The following CFAP100 variants were observed in gnomAD, a reference collection of about 807,000 sequenced individuals.
The protein encoded by CFAP100 is cilia- and flagella-associated protein 100.
A neutral mutation model predicts 81.5 loss-of-function variants in CFAP100; 70 were observed. The ratio of observed to expected loss-of-function variants is 0.86; its 90% CI spans 0.71 to 1.05. The LOEUF is 1.05. Among genes scored for constraint, CFAP100 ranks in the 50% least tolerant of loss-of-function variants. The probability of loss-of-function intolerance (pLI) is 0.00; values close to 1 mark genes in which losing one functional copy is unlikely to be tolerated. For synonymous variants in CFAP100, 341 were observed against 314.8 expected, an observed-to-expected ratio of 1.08 and a Z score of -0.88; for missense variants, 811 against 776.5, an observed-to-expected ratio of 1.04 and a Z score of -0.53.
In CFAP100 at chr3:126,416,889, T is replaced by A. The variant is rs529758336; in HGVS notation, c.418+381T>A. On this transcript the variant is annotated intron_variant, in intron 5 of 16. Transcript: ENST00000352312. Reference sequence around the variant, plus strand: ...TTGTTCTATTTTTATTAGTCGTTATTGTTTATCTTTTACTGTGCCTAATTC... The same window carrying A: ...TTGTTCTATTTTTATTAGTCGTTATAGTTTATCTTTTACTGTGCCTAATTC... 168 of 162,662 alleles carry A rather than the reference T, an allele frequency of 1.0e-3. 1 individual carries two copies. The highest frequency in any genetic ancestry group is 3.4e-3 in the African/African-American group (143 of 41,976). The allele number at this position is 162,662 out of a possible 1,614,324, so 10.1% of individuals were successfully genotyped here. A position where few individuals can be genotyped will look rare whatever the true frequency, so the allele number is the denominator to read the frequency against.
chr3:126,425,890 T>C (rs1311417621), intron 13 of CFAP100, among the ~76,000 whole-genome samples: 1 of 152,170 alleles, frequency 6.6e-6, no homozygotes, highest in Non-Finnish European at 1.5e-5. Flanking sequence ...AAATGTGGAA[T>C]AGAAGGGAAT....
intron 2 of CFAP100, among the ~76,000 whole-genome samples, chr3:126,406,357 C>T (rs918180538): frequency 5.9e-5 from 9 of 152,202 alleles, no homozygotes; most frequent in Admixed American, 2.6e-4. Flanking sequence ...TGTTTCACTC[C>T]GGGACCACAC....
At chr3:126,429,599 ATCT>A (rs1268959785) in intron 13 of CFAP100, among the ~76,000 whole-genome samples, 1 of 136,838 alleles carries the variant, frequency 7.3e-6, no homozygotes, top group African/African-American at 2.7e-5. Flanking sequence ...TTTTCTCTTT[ATCT>A]TCTTTTGTAT....
chr3:126,403,049 G>T (rs2083009474), intron 2 of CFAP100, among the ~76,000 whole-genome samples: 1 of 152,176 alleles, frequency 6.6e-6, no homozygotes, highest in African/African-American at 2.4e-5. Flanking sequence ...TGTTTGCTGA[G>T]ATGGCCAAGG....
In CFAP100 at chr3:126,401,395, TTTTATATATATATATATA is replaced by T. The variant is rs1204088379; in HGVS notation, c.49+5348_49+5365del. 2.4e-3 allele frequency among the ~76,000 whole-genome samples: 134 copies of T among 55,068 alleles called. 1 individual carries two copies. The Middle Eastern group carries it at 0.039, about 16-fold the overall frequency. The allele number at this position is 55,068 out of a possible 152,430, so 36.1% of individuals were successfully genotyped here. ...CAATGGCATAAAATGGCAAATCGTA[TTTTATATATATATATATA>T]TATATATATATATATATATATATAT... On this transcript the variant is annotated intron_variant, in intron 2 of 16. Coordinates refer to ENST00000352312, the MANE Select transcript of CFAP100 (RefSeq NM_182628.3).
intron 9 of CFAP100, 23 bp from the exon 10 acceptor site, chr3:126,419,957 G>A (rs2083302431): frequency 1.9e-6 from 3 of 1,612,884 alleles, no homozygotes; most frequent in Non-Finnish European, 2.5e-6. Flanking sequence ...AGGCCATCGG[G>A]GCCCCCCCTT....
chr3:126,423,740 C>G, intron 13 of CFAP100, 96 bp downstream of exon 13: 2 of 1,449,552 alleles, frequency 1.4e-6, no homozygotes, highest in South Asian at 2.4e-5. Context: ...AGCCCACACC[C>G]GTCCGTGGCC....
At chr3:126,401,397 T>TTATATATATATATATA (rs58055481) in intron 2 of CFAP100, among the ~76,000 whole-genome samples, 3 of 76,212 alleles carry the variant, frequency 3.9e-5, no homozygotes, top group Admixed American at 1.3e-4. Context: ...AAATCGTATT[T>TTATATATATATATATA]TATATATATA....
In CFAP100 at chr3:126,416,482, C is replaced by T. The variant is rs774256326; in HGVS notation, c.392C>T (p.Thr131Met). 2 of 1,602,972 alleles carry T rather than the reference C, an allele frequency of 1.2e-6. No individual in the cohort carries two copies. Among genetic ancestry groups the T allele is most frequent in the South Asian group, 1.1e-5 (1 of 90,020 alleles). ...CATCAGCGCGCCTTCCGCGACTACA[C>T]GACCTGGAAGCTCACCTTGACCAAA... Reference protein sequence around the residue: ...AEHQRAFRDYTTWKLTLTKEK... With the variant: ...AEHQRAFRDYMTWKLTLTKEK... Residue 131 changes from threonine (T) to methionine (M), a missense_variant, in exon 5 of 17, where the codon ACG becomes ATG. By Grantham distance (81) the Thr-to-Met change is moderately conservative. Coordinates refer to ENST00000352312, the MANE Select transcript of CFAP100 (RefSeq NM_182628.3).
intron 4 of CFAP100, 100 bp from the exon 5 acceptor site, chr3:126,416,216 C>A: frequency 1.4e-6 from 1 of 716,178 alleles, no homozygotes; most frequent in Admixed American, 3.9e-5. Context: ...CCCGCGTCCT[C>A]GCGCGCAAAC....
chr3:126,421,322 A>G (rs1335697480), intron 11 of CFAP100, among the ~76,000 whole-genome samples: 1 of 152,160 alleles, frequency 6.6e-6, no homozygotes, highest in Non-Finnish European at 1.5e-5. Context: ...TCTGTTCACT[A>G]TTGTCTTTTG....
Position 126,434,397 on chromosome 3 carries a change from T to TCCCTG in CFAP100, c.1628+19_1628+23dup. ...GGCGCATCAGGTGAGCTCTAGGCTCTCCCTGCCAGCTGCTGTGTCCTGGCT... is the reference window on the plus strand; with the variant it reads ...GGCGCATCAGGTGAGCTCTAGGCTCTCCCTGCCCTGCCAGCTGCTGTGTCCTGGCT... On this transcript the variant is annotated intron_variant, in intron 15 of 16. Transcript: ENST00000352312. 1 of 1,605,002 alleles carries TCCCTG rather than the reference T, an allele frequency of 6.2e-7. No homozygotes were observed. Among genetic ancestry groups the TCCCTG allele is most frequent in the South Asian group, 1.1e-5 (1 of 89,866 alleles).
At chr3:126,419,559 G>A (rs1285727049) in intron 8 of CFAP100, 78 bp from the exon 9 acceptor site, 6 of 1,340,532 alleles carry the variant, frequency 4.5e-6, no homozygotes, top group Non-Finnish European at 6.3e-6. Flanking sequence ...AGGATGGAGG[G>A]GTGGCCCCGG....
At chr3:126,403,195 AGAGTAGGCGGAAACGT>A (rs2083013113) in intron 2 of CFAP100, among the ~76,000 whole-genome samples, 1 of 151,986 alleles carries the variant, frequency 6.6e-6, no homozygotes. Context: ...AGAGGTCAGG[AGAGTAGGCGGAAACGT>A]GAGGGCATCA....
At chr3:126,419,044 C>CCAAACCCA in intron 7 of CFAP100, 32 bp from the exon 8 acceptor site, 2 of 843,190 alleles carry the variant, frequency 2.4e-6, no homozygotes, top group East Asian at 2.6e-5. Context: ...CCCCTTGCCC[C>CCAAACCCA]CATCCCTCCT....
At chr3:126,401,397 T>TTTTATA (rs869308239) in intron 2 of CFAP100, among the ~76,000 whole-genome samples, 1,982 of 75,558 alleles carry the variant, frequency 0.026, 84 homozygotes, top group Non-Finnish European at 0.041. Flanking sequence ...AAATCGTATT[T>TTTTATA]TATATATATA....
At chr3:126,400,523 G>C (rs188948568) in intron 2 of CFAP100, among the ~76,000 whole-genome samples, 146 of 152,194 alleles carry the variant, frequency 9.6e-4, no homozygotes, top group African/African-American at 3.3e-3. Flanking sequence ...GGAGGCCAAG[G>C]CGGGCGGATC....
rs772877277 is a variant in CFAP100 at position 126,434,361 on chromosome 3, G to A, written c.1608G>A (p.Lys536=). ...QVKIEQAERA[K]EKERRIRLRE... Reference sequence around the variant, plus strand: ...AGATCGAGCAGGCCGAGAGGGCAAAGGAGAAGGAGCGGCGCATCAGGTGAG... The same window carrying A: ...AGATCGAGCAGGCCGAGAGGGCAAAAGAGAAGGAGCGGCGCATCAGGTGAG... Residue 536 remains lysine (K), a synonymous_variant, in exon 15 of 17, where the codon AAG becomes AAA. Coordinates refer to ENST00000352312, the MANE Select transcript of CFAP100 (RefSeq NM_182628.3). 7 of 1,613,724 alleles carry A rather than the reference G, an allele frequency of 4.3e-6. No homozygotes were observed. In the African/African-American group the frequency reaches 6.7e-5, roughly 15 times the overall value.
intron 13 of CFAP100, among the ~76,000 whole-genome samples, chr3:126,430,321 CTAAAG>C (rs773279006): frequency 2.1e-4 from 32 of 152,210 alleles, no homozygotes; most frequent in Non-Finnish European, 4.0e-4. Context: ...TGACTGTAGT[CTAAAG>C]TAATCTACTG....
Sources: allele counts gnomAD v4.1 joint callset (sites outside exome capture counted in the v4.1 genomes callset), GRCh38; gene constraint gnomAD v4.1.1; transcripts MANE v1.5; gene names NCBI Gene and HGNC (gene_info 2026-07-23, HGNC 2026-07-21).